The following ZBTB20 variants were observed in gnomAD, a reference collection of about 807,000 sequenced individuals.
ZBTB20 encodes the protein zinc finger and BTB domain-containing protein 20.
In ZBTB20, 9 loss-of-function variants were observed where a neutral mutation model predicts 56.9. The ratio of observed to expected loss-of-function variants is 0.16; its 90% confidence interval spans 0.10 to 0.28. ZBTB20 has a LOEUF of 0.28. Among genes scored for constraint, ZBTB20 ranks in the 10% least tolerant of loss-of-function variants. The pLI is 1.00. For missense variants in ZBTB20, 655 were observed against 1,003.0 expected, an observed-to-expected ratio of 0.65 and a Z score of 4.69; for synonymous variants, 417 against 420.7, an observed-to-expected ratio of 0.99 and a Z score of 0.11.
chr3:114,343,921 C>T (rs984041496), intron 11 of ZBTB20, among the ~76,000 whole-genome samples: 4 of 152,050 alleles, frequency 2.6e-5, no homozygotes, highest in Admixed American at 6.5e-5. Flanking sequence ...TGGTGGTGGG[C>T]GCCTGTAATC....
At chr3:115,099,180 A>G (rs1576775142) in intron 1 of ZBTB20, among the ~76,000 whole-genome samples, 1 of 152,208 alleles carries the variant, frequency 6.6e-6, no homozygotes, top group East Asian at 1.9e-4. Flanking sequence ...AAATAAAGGA[A>G]AAGAAAGCAC....
At chr3:114,845,761 C>T (rs1242111171) in intron 4 of ZBTB20, among the ~76,000 whole-genome samples, 2 of 152,164 alleles carry the variant, frequency 1.3e-5, no homozygotes, top group African/African-American at 4.8e-5. Flanking sequence ...CAACCAATGT[C>T]AATTGTAATT....
intron 6 of ZBTB20, among the ~76,000 whole-genome samples, chr3:114,641,953 C>G (rs912365781): frequency 2.6e-5 from 4 of 151,758 alleles, no homozygotes; most frequent in Admixed American, 6.6e-5. Context: ...CCAAATTAAC[C>G]AGGTAGAAAG....
At chr3:114,843,537 G>A (rs998029070) in intron 4 of ZBTB20, among the ~76,000 whole-genome samples, 8 of 152,022 alleles carry the variant, frequency 5.3e-5, no homozygotes, top group African/African-American at 1.2e-4. Context: ...ATATATACAC[G>A]TATACATATA....
intron 2 of ZBTB20, among the ~76,000 whole-genome samples, chr3:114,989,778 T>C (rs879925721): frequency 5.3e-5 from 8 of 152,282 alleles, no homozygotes; most frequent in Middle Eastern, 3.4e-3. Context: ...TTTATTTCGT[T>C]GAGCAGTGGT....
At chr3:114,510,716 T>C (rs2045261692) in intron 6 of ZBTB20, among the ~76,000 whole-genome samples, 1 of 152,092 alleles carries the variant, frequency 6.6e-6, no homozygotes, top group Non-Finnish European at 1.5e-5. Context: ...ACGAATCTCT[T>C]TCATGTCATT....
chr3:114,738,182 T>C (rs1207897500), intron 5 of ZBTB20, among the ~76,000 whole-genome samples: 1 of 152,080 alleles, frequency 6.6e-6, no homozygotes, highest in Non-Finnish European at 1.5e-5. Flanking sequence ...TCAAATTTGA[T>C]ATAAATATAC....
At chr3:115,043,930 A>G (rs575753764) in intron 2 of ZBTB20, among the ~76,000 whole-genome samples, 1 of 152,092 alleles carries the variant, frequency 6.6e-6, no homozygotes, top group African/African-American at 2.4e-5. Flanking sequence ...CTCCTTGGTA[A>G]TAAGTGAGCT....
intron 1 of ZBTB20, among the ~76,000 whole-genome samples, chr3:115,128,510 A>G (rs1413801572): frequency 1.3e-5 from 2 of 151,876 alleles, no homozygotes; most frequent in African/African-American, 2.4e-5. Context: ...CTAAAAACAC[A>G]AAAATTAGCT....
At chr3:114,494,270 G>A (rs906469141) in intron 7 of ZBTB20, among the ~76,000 whole-genome samples, 13 of 152,030 alleles carry the variant, frequency 8.6e-5, no homozygotes, top group African/African-American at 2.9e-4. Context: ...GTTCCCCCAG[G>A]TTCTGATTCT....
intron 5 of ZBTB20, among the ~76,000 whole-genome samples, chr3:114,775,445 T>C (rs2069520370): frequency 6.6e-6 from 1 of 152,166 alleles, no homozygotes; most frequent in Admixed American, 6.5e-5. Context: ...GTTAAAATTC[T>C]TAAAAATGAC....
chr3:114,415,478 G>C (rs1214403969), intron 7 of ZBTB20, among the ~76,000 whole-genome samples: 1 of 152,054 alleles, frequency 6.6e-6, no homozygotes, highest in Admixed American at 6.6e-5. Context: ...TAAAGTGTGG[G>C]ACTCCTTTCA....
chr3:114,887,443 C>T (rs1043981430), intron 4 of ZBTB20, among the ~76,000 whole-genome samples: 3 of 152,072 alleles, frequency 2.0e-5, no homozygotes, highest in African/African-American at 7.2e-5. Context: ...TAATTAAGAA[C>T]CATGAGATAA....
intron 6 of ZBTB20, among the ~76,000 whole-genome samples, chr3:114,657,136 C>T (rs2060456821): frequency 1.3e-5 from 2 of 152,112 alleles, no homozygotes; most frequent in African/African-American, 4.8e-5. Flanking sequence ...TATACAAACT[C>T]TGGGTTTGGT....
chr3:114,901,523 T>G (rs2075119382), intron 3 of ZBTB20, among the ~76,000 whole-genome samples: 1 of 152,110 alleles, frequency 6.6e-6, no homozygotes, highest in Admixed American at 6.6e-5. Context: ...GTTCAATATT[T>G]TTACTCAGTA....
rs1045385030 is a variant in ZBTB20 at position 114,941,800 on chromosome 3, C to T, written c.-456+32566G>A. Among the ~76,000 whole-genome samples, 8 of 145,968 alleles carry T rather than the reference C, an allele frequency of 5.5e-5. 1 individual carries two copies. The highest frequency in any genetic ancestry group is 2.7e-4 in the Admixed American group (4 of 15,092). ...TGTTCAAGTTTTATTAAAACTGTTTCGTTTTATCCAGGTTTCCAGTATTGC... is the reference window on the plus strand; with the variant it reads ...TGTTCAAGTTTTATTAAAACTGTTTTGTTTTATCCAGGTTTCCAGTATTGC... On this transcript the variant is annotated intron_variant, in intron 3 of 11. Coordinates refer to ENST00000675478, the MANE Select transcript of ZBTB20 (RefSeq NM_001348800.3).
intron 7 of ZBTB20, among the ~76,000 whole-genome samples, chr3:114,411,571 A>G (rs1180739024): frequency 6.6e-6 from 1 of 152,142 alleles, no homozygotes; most frequent in Non-Finnish European, 1.5e-5. Context: ...TATTTAATTT[A>G]TTCTGTTAGA....
intron 2 of ZBTB20, among the ~76,000 whole-genome samples, chr3:115,047,409 A>T (rs1459730253): frequency 2.0e-5 from 3 of 152,208 alleles, no homozygotes; most frequent in African/African-American, 7.2e-5. Flanking sequence ...TGTGCTTCTT[A>T]AGCTGATTGT....
intron 7 of ZBTB20, among the ~76,000 whole-genome samples, chr3:114,469,888 T>G (rs1398126878): frequency 2.0e-5 from 3 of 152,180 alleles, no homozygotes; most frequent in African/African-American, 7.2e-5. Context: ...GGCTTGAGAT[T>G]GTGCATTAAT....
Sources: allele counts gnomAD v4.1 joint callset (sites outside exome capture counted in the v4.1 genomes callset), GRCh38; gene constraint gnomAD v4.1.1; transcripts MANE v1.5; gene names NCBI Gene and HGNC (gene_info 2026-07-23, HGNC 2026-07-21).